Variants in OPCML observed in about 807,000 individuals in gnomAD.
OPCML encodes the protein opioid binding protein/cell adhesion molecule like.
A neutral mutation model predicts 37.8 loss-of-function variants in OPCML; 13 were observed. The ratio of observed to expected loss-of-function variants is 0.34; its 90% CI spans 0.22 to 0.55. The LOEUF is 0.55. OPCML is among the 20% of genes least tolerant of loss of function. The pLI is 0.91. For synonymous variants in OPCML, 176 were observed against 168.8 expected, an observed-to-expected ratio of 1.04 and a Z score of -0.33; for missense variants, 341 against 435.6, an observed-to-expected ratio of 0.78 and a Z score of 1.93.
At chr11:132,896,142 G>A (rs887930500) in intron 2 of OPCML, among the ~76,000 whole-genome samples, 12 of 152,192 alleles carry the variant, frequency 7.9e-5, no homozygotes, top group Non-Finnish European at 5.9e-5. Context: ...GCCACTGTGA[G>A]TGAGCTGGAG....
intron 3 of OPCML, among the ~76,000 whole-genome samples, chr11:132,575,602 A>G (rs1278507177): frequency 6.6e-6 from 1 of 151,852 alleles, no homozygotes; most frequent in Non-Finnish European, 1.5e-5. Context: ...ACATATATTT[A>G]CTTATATTTA....
chr11:133,021,356 G>A (rs992668667), intron 1 of OPCML, among the ~76,000 whole-genome samples: 1 of 152,096 alleles, frequency 6.6e-6, no homozygotes, highest in Non-Finnish European at 1.5e-5. Context: ...ACGTCAAGTG[G>A]ACACCCCAGG....
chr11:133,522,971 C>T (rs1012125226), intron 1 of OPCML, among the ~76,000 whole-genome samples: 19 of 152,200 alleles, frequency 1.2e-4, no homozygotes, highest in Non-Finnish European at 2.4e-4. Flanking sequence ...TGCTTTGCAT[C>T]GTGATAATAT....
chr11:133,272,252 TAAAA>T (rs544482291), intron 1 of OPCML, among the ~76,000 whole-genome samples: 2 of 124,452 alleles, frequency 1.6e-5, no homozygotes, highest in Non-Finnish European at 1.7e-5. Flanking sequence ...ATATTTGGAC[TAAAA>T]AAAAAAAAAA....
Position 133,012,320 on chromosome 11 carries a change from T to A in OPCML, c.62-69310A>T, listed in dbSNP as rs564201666. Among the ~76,000 whole-genome samples, 4 of 152,252 alleles carry A rather than the reference T, an allele frequency of 2.6e-5. No homozygotes were observed. The East Asian group carries it at 7.7e-4, about 29-fold the overall frequency. On this transcript the variant is annotated intron_variant, in intron 1 of 7. Coordinates refer to ENST00000524381, the MANE Select transcript of OPCML (RefSeq NM_001012393.5). ...AACTATTATTTGTGCTTATCCAAGG[T>A]CCTTAGCAACAAATTCAACCTCCTG... is the stretch of plus-strand genomic sequence containing the variant.
intron 1 of OPCML, among the ~76,000 whole-genome samples, chr11:133,438,381 C>T (rs1355362201): frequency 1.3e-5 from 2 of 151,966 alleles, no homozygotes; most frequent in African/African-American, 4.8e-5. Context: ...AGGCAAGATC[C>T]AAACAAATAA....
chr11:133,291,448 G>T (rs548885237), intron 1 of OPCML, among the ~76,000 whole-genome samples: 1 of 152,192 alleles, frequency 6.6e-6, no homozygotes, highest in Non-Finnish European at 1.5e-5. Context: ...TCCCTTGGTG[G>T]TCAGCCTGCT....
intron 2 of OPCML, among the ~76,000 whole-genome samples, chr11:132,906,363 T>C (rs1354863637): frequency 6.6e-6 from 1 of 152,246 alleles, no homozygotes; most frequent in Non-Finnish European, 1.5e-5. Flanking sequence ...GTTTTATCTT[T>C]AGGGCCTATG....
intron 1 of OPCML, among the ~76,000 whole-genome samples, chr11:133,213,129 G>A (rs1204367893): frequency 6.6e-6 from 1 of 151,546 alleles, no homozygotes; most frequent in Non-Finnish European, 1.5e-5. Context: ...CTCAAGCTGG[G>A]TTCCTTTTAT....
intron 1 of OPCML, among the ~76,000 whole-genome samples, chr11:133,075,231 T>C (rs991901033): frequency 6.6e-6 from 1 of 152,206 alleles, no homozygotes; most frequent in Non-Finnish European, 1.5e-5. Context: ...AATATTTCTA[T>C]GGCATTGTCA....
At chr11:133,251,289 G>A (rs964088175) in intron 1 of OPCML, among the ~76,000 whole-genome samples, 4 of 152,034 alleles carry the variant, frequency 2.6e-5, no homozygotes, top group Admixed American at 2.0e-4. Flanking sequence ...CAGAAAAAAA[G>A]GATTATATGG....
At chr11:133,289,220 T>C (rs573654128) in intron 1 of OPCML, among the ~76,000 whole-genome samples, 6 of 152,340 alleles carry the variant, frequency 3.9e-5, no homozygotes, top group African/African-American at 1.4e-4. Flanking sequence ...TTAGGAAATG[T>C]TCACATAAGA....
intron 4 of OPCML, among the ~76,000 whole-genome samples, chr11:132,464,331 G>A (rs767686230): frequency 6.6e-6 from 1 of 152,010 alleles, no homozygotes; most frequent in Non-Finnish European, 1.5e-5. Flanking sequence ...TTTTATCAGG[G>A]GACTTCACAC....
intron 1 of OPCML, chr11:133,299,340 A>T (rs1942723428): frequency 6.6e-6 from 1 of 152,242 alleles, no homozygotes; most frequent in South Asian, 2.1e-4. Context: ...TGCTGCACTA[A>T]TAGTTAATCC....
At chr11:133,228,831 T>G (rs764352278) in intron 1 of OPCML, among the ~76,000 whole-genome samples, 1 of 152,264 alleles carries the variant, frequency 6.6e-6, no homozygotes, top group Non-Finnish European at 1.5e-5. Context: ...CTGCCCAAGC[T>G]GGGCCAAGAG....
At chr11:132,835,928 C>G (rs1454529839) in intron 2 of OPCML, among the ~76,000 whole-genome samples, 1 of 152,154 alleles carries the variant, frequency 6.6e-6, no homozygotes. Context: ...GTGCTGTCTA[C>G]TTACAAATAT....
At chr11:132,898,894 A>G (rs1409219645) in intron 2 of OPCML, among the ~76,000 whole-genome samples, 3 of 146,266 alleles carry the variant, frequency 2.1e-5, no homozygotes, top group African/African-American at 7.9e-5. Context: ...TCAACTGGCT[A>G]TGTTATGGTG....
intron 1 of OPCML, among the ~76,000 whole-genome samples, chr11:133,105,515 G>C (rs868135468): frequency 2.0e-5 from 3 of 152,324 alleles, no homozygotes; most frequent in Middle Eastern, 3.4e-3. Flanking sequence ...AATTGTCTTA[G>C]AGAGACTTGC....
intron 4 of OPCML, among the ~76,000 whole-genome samples, chr11:132,523,769 A>G (rs986229141): frequency 2.0e-5 from 3 of 152,246 alleles, no homozygotes; most frequent in African/African-American, 7.2e-5. Context: ...CACTAGACAC[A>G]AATACACAAA....
Sources: gnomAD v4.1 joint callset for allele counts (sites outside exome capture counted in the v4.1 genomes callset) on GRCh38, gnomAD v4.1.1 for gene constraint, MANE v1.5 for transcripts, NCBI Gene and HGNC (gene_info 2026-07-23, HGNC 2026-07-21) for gene names.